The following PRRG1 variants were observed in gnomAD, a reference collection of about 807,000 sequenced individuals.
PRRG1 encodes the protein proline rich and Gla domain 1, also known as transmembrane gamma-carboxyglutamic acid protein 1.
Under a neutral mutation model 11.8 loss-of-function variants are expected in PRRG1, and 5 were observed. That is an observed-to-expected ratio of 0.42 (90% CI 0.22 to 0.89). PRRG1 has a LOEUF of 0.89. Among genes scored for constraint, PRRG1 ranks in the 40% least tolerant of loss-of-function variants. PRRG1 has a pLI of 0.28. For synonymous variants in PRRG1, 66 were observed against 60.4 expected, an observed-to-expected ratio of 1.09 and a Z score of -0.43; for missense variants, 155 against 166.1, an observed-to-expected ratio of 0.93 and a Z score of 0.37.
chrX:37,382,940 C>T (rs782476191), intron 1 of PRRG1, among the ~76,000 whole-genome samples: 5 of 111,304 alleles, frequency 4.5e-5, no homozygotes, highest in East Asian at 2.8e-4. Flanking sequence ...GCTTTCTCTC[C>T]GAGAATTCAT....
In PRRG1 at chrX:37,366,528, G is replaced by A. The variant is rs188537869; in HGVS notation, c.-42+17133G>A. Among the ~76,000 whole-genome samples the A allele has an allele frequency of 1.2e-4, 13 of 111,976 alleles. No homozygotes were observed. In the East Asian group the frequency reaches 2.5e-3, roughly 22 times the overall value. On this transcript the variant is annotated intron_variant, in intron 1 of 3. Transcript: ENST00000378628. ...CTGATACCATGCTGATTTAGCTTTC[G>A]ATGTCTGTGTAAGTAATCAGTTGTC...
At chrX:37,397,259 A>G (rs1556378485) in intron 1 of PRRG1, among the ~76,000 whole-genome samples, 1 of 112,882 alleles carries the variant, frequency 8.9e-6, no homozygotes, top group Admixed American at 9.4e-5. Flanking sequence ...TACTGAAGTT[A>G]AAAAGTAACT....
chrX:37,376,674 C>T lies in PRRG1; in HGVS notation c.-42+27279C>T, dbSNP rs1341557661. ...TTGCGGGCAAAAAATCTCTGCTTTA[C>T]TGAATAATCTCTTAGCAACCAGGAC... On this transcript the variant is annotated intron_variant, in intron 1 of 3. Transcript: ENST00000378628. 5.9e-5 allele frequency among the ~76,000 whole-genome samples: 6 copies of T among 100,940 alleles called. No individual in the cohort carries two copies. The East Asian group carries it at 1.9e-3, about 32-fold the overall frequency. The allele number at this position is 100,940 out of a possible 115,157, so 87.7% of individuals were successfully genotyped here. A position where few individuals can be genotyped will look rare whatever the true frequency, so the allele number is the denominator to read the frequency against.
intron 2 of PRRG1, among the ~76,000 whole-genome samples, chrX:37,416,017 C>G (rs952732185): frequency 1.8e-5 from 2 of 112,074 alleles, no homozygotes; most frequent in Admixed American, 1.9e-4. Context: ...ACACCCTTGA[C>G]TGCTGCTGTC....
chrX:37,378,579 A>C (rs937469062), intron 1 of PRRG1, among the ~76,000 whole-genome samples: 2 of 111,599 alleles, frequency 1.8e-5, no homozygotes, highest in East Asian at 5.6e-4. Flanking sequence ...AATTTTCTTA[A>C]GTACTTGGAT....
intron 3 of PRRG1, among the ~76,000 whole-genome samples, chrX:37,448,054 T>C (rs782545680): frequency 1.8e-5 from 2 of 112,465 alleles, no homozygotes; most frequent in East Asian, 5.6e-4. Context: ...ATCCTCCCAC[T>C]TCTTTGGTTC....
intron 1 of PRRG1, among the ~76,000 whole-genome samples, chrX:37,376,610 C>T (rs1455935956): frequency 2.8e-5 from 2 of 71,985 alleles, no homozygotes; most frequent in Non-Finnish European, 5.3e-5. Context: ...GTTCTGAGCT[C>T]ATCATACCCA....
intron 1 of PRRG1, among the ~76,000 whole-genome samples, chrX:37,388,842 C>T (rs1460233111): frequency 1.8e-5 from 2 of 112,779 alleles, no homozygotes; most frequent in Non-Finnish European, 3.8e-5. Flanking sequence ...CTTTTCTTTC[C>T]TACCACGTGG....
At chrX:37,376,453 C>T (rs1479478495) in intron 1 of PRRG1, among the ~76,000 whole-genome samples, 1 of 97,838 alleles carries the variant, frequency 1.0e-5, no homozygotes, top group East Asian at 3.3e-4. Context: ...ATTTCTTTTG[C>T]AGCAGCTCTT....
At chrX:37,385,886 G>A (rs1049256640) in intron 1 of PRRG1, among the ~76,000 whole-genome samples, 3 of 110,689 alleles carry the variant, frequency 2.7e-5, no homozygotes, top group African/African-American at 6.6e-5. Flanking sequence ...TCAGCCTCCC[G>A]AGAAGCTGGG....
chrX:37,373,248 T>C (rs1163845775), intron 1 of PRRG1, among the ~76,000 whole-genome samples: 1 of 112,041 alleles, frequency 8.9e-6, no homozygotes, highest in Non-Finnish European at 1.9e-5. Context: ...CAAGCTTTTT[T>C]CCCCCTCAAG....
chrX:37,401,557 C>G (rs1304591134), intron 1 of PRRG1, among the ~76,000 whole-genome samples: 1 of 109,914 alleles, frequency 9.1e-6, no homozygotes, highest in Non-Finnish European at 1.9e-5. Context: ...TGGAAGCATT[C>G]CCTTTGAAAA....
At chrX:37,433,116 C>T (rs1025814424) in intron 3 of PRRG1, among the ~76,000 whole-genome samples, 4 of 111,672 alleles carry the variant, frequency 3.6e-5, no homozygotes, top group Admixed American at 9.5e-5. Flanking sequence ...TTTTTGGCCC[C>T]TGCCCCATAG....
chrX:37,362,332 A>G (rs1395948714), intron 1 of PRRG1, among the ~76,000 whole-genome samples: 7 of 111,246 alleles, frequency 6.3e-5, no homozygotes, highest in African/African-American at 2.3e-4. Context: ...CAAAGTTTTG[A>G]ACAGTCCACT....
intron 1 of PRRG1, among the ~76,000 whole-genome samples, chrX:37,402,089 C>T (rs1173691330): frequency 1.8e-5 from 2 of 111,416 alleles, no homozygotes; most frequent in African/African-American, 3.3e-5. Context: ...CAATGCCATC[C>T]CCATCAAGCT....
intron 3 of PRRG1, among the ~76,000 whole-genome samples, chrX:37,432,571 C>A (rs1556390748): frequency 9.0e-6 from 1 of 111,570 alleles, no homozygotes; most frequent in Non-Finnish European, 1.9e-5. Flanking sequence ...TCACCTTTTC[C>A]TTCCTATAGA....
intron 2 of PRRG1, among the ~76,000 whole-genome samples, chrX:37,421,707 C>T (rs1365112852): frequency 2.7e-5 from 3 of 112,060 alleles, no homozygotes; most frequent in African/African-American, 9.7e-5. Flanking sequence ...CTCAGGATCT[C>T]CTGAGGGCTG....
chrX:37,419,694 C>T (rs370920334), intron 2 of PRRG1, among the ~76,000 whole-genome samples: 145 of 111,061 alleles, frequency 1.3e-3, no homozygotes, highest in African/African-American at 4.4e-3. Context: ...ACCTTGGTAT[C>T]GGGAGCTAAG....
At chrX:37,451,086 C>T (rs192454608) in intron 3 of PRRG1, among the ~76,000 whole-genome samples, 24 of 111,888 alleles carry the variant, frequency 2.1e-4, no homozygotes, top group African/African-American at 6.2e-4. Flanking sequence ...GACGCAATCT[C>T]GGCTCACCCG....
Sources: gnomAD v4.1 joint callset for allele counts (sites outside exome capture counted in the v4.1 genomes callset) on GRCh38, gnomAD v4.1.1 for gene constraint, MANE v1.5 for transcripts, NCBI Gene and HGNC (gene_info 2026-07-23, HGNC 2026-07-21) for gene names.